PCDHA1: variants seen among roughly 807,000 people sequenced by gnomAD.
PCDHA1 encodes protocadherin alpha 1.
A neutral mutation model predicts 61.3 loss-of-function variants in PCDHA1; 42 were observed. The ratio of observed to expected loss-of-function variants is 0.69; its 90% CI spans 0.54 to 0.89. The LOEUF (loss-of-function observed/expected upper bound fraction) is 0.89. Ranked by LOEUF, PCDHA1 falls within the 40% of genes least tolerant of loss-of-function variation. PCDHA1 has a pLI of 0.00. For synonymous variants in PCDHA1, 610 were observed against 553.8 expected (o/e 1.10, Z -1.43); for missense variants, 1,256 against 1,235.3 (o/e 1.02, Z -0.25).
rs374659815 is a variant in PCDHA1 at position 140,871,353 on chromosome 5, G to A, written c.2394+82669G>A. 3.6e-5 allele frequency: 58 copies of A among 1,614,214 alleles called. No homozygotes were observed. The African/African-American group carries it at 5.1e-4, about 14-fold the overall frequency. ...GCGCGGTGGGGAGCTGGTCATACTC[G>A]CAGCAGAGGCGGCAGAGGGTGTGCT... On this transcript the variant is annotated intron_variant, in intron 1 of 3. Coordinates refer to ENST00000504120, the MANE Select transcript of PCDHA1 (RefSeq NM_018900.4).
chr5:140,851,353 G>A, intron 1 of PCDHA1: 1 of 976,274 alleles, frequency 1.0e-6, no homozygotes, highest in Non-Finnish European at 1.2e-6. Context: ...TCTGGATGGA[G>A]ACTGTGAACA....
At chr5:140,987,262 G>A (rs563934474) in intron 3 of PCDHA1, among the ~76,000 whole-genome samples, 1 of 151,978 alleles carries the variant, frequency 6.6e-6, no homozygotes, top group South Asian at 2.1e-4. Context: ...TCTCAGGAAT[G>A]GGACCCGGCA....
At chr5:140,876,459 C>T (rs2056359218) in intron 1 of PCDHA1, 1 of 1,613,878 alleles carries the variant, frequency 6.2e-7, no homozygotes, top group Non-Finnish European at 8.5e-7. Flanking sequence ...GGATTCCTTC[C>T]ATGGCAGGTC....
intron 1 of PCDHA1, among the ~76,000 whole-genome samples, chr5:140,792,836 G>C (rs1761732848): frequency 1.3e-5 from 2 of 152,202 alleles, no homozygotes; most frequent in Admixed American, 1.3e-4. Context: ...ACATAATGCT[G>C]TAACGAGCAG....
At chr5:140,945,372 T>C (rs1554216918) in intron 1 of PCDHA1, among the ~76,000 whole-genome samples, 1 of 152,088 alleles carries the variant, frequency 6.6e-6, no homozygotes, top group Non-Finnish European at 1.5e-5. Flanking sequence ...AATGTCCATA[T>C]TACCCAAAGC....
At chr5:140,803,331 G>T in intron 1 of PCDHA1, 2 of 1,614,188 alleles carry the variant, frequency 1.2e-6, no homozygotes, top group Non-Finnish European at 8.5e-7. Context: ...CAGTCTGTTG[G>T]TGCTCACACT....
At chr5:140,929,258 T>C (rs1288767035) in intron 1 of PCDHA1, 2 of 1,612,832 alleles carry the variant, frequency 1.2e-6, no homozygotes, top group Non-Finnish European at 1.7e-6. Flanking sequence ...GGGGTAGGAC[T>C]GAATTTGCCA....
rs572911058 is a variant in PCDHA1, at chr5:140,794,867, A to G, written c.2394+6183A>G. On this transcript the variant is annotated intron_variant, in intron 1 of 3. Coordinates refer to ENST00000504120, the MANE Select transcript of PCDHA1 (RefSeq NM_018900.4). ...CCCCTTTGTTACTTCAGAGAAGCGG[A>G]GGAATAAGAGAAGCAGCAGGACTTT... is the stretch of plus-strand genomic sequence containing the variant. The G allele has an allele frequency of 5.4e-5, 70 of 1,307,314 alleles. No individual in the cohort carries two copies. In the African/African-American group the frequency reaches 7.8e-4, roughly 15 times the overall value. 81.0% of individuals were successfully genotyped at this position (1,307,314 alleles called of 1,614,324 possible).
At position 140,788,516 on chromosome 5, in the gene PCDHA1, C is replaced by T. The variant is rs782810577; in HGVS notation, c.2226C>T (p.Ser742=). 3 of 1,614,092 alleles carry T rather than the reference C, an allele frequency of 1.9e-6. No individual in the cohort carries two copies. In the South Asian group the frequency reaches 3.3e-5, roughly 18 times the overall value. ...CGGGCAAGCCCACTCTGGTGTGCTCCAGCGCGTTGGGGAGCTGGTCGAACT... is the reference window on the plus strand; with the variant it reads ...CGGGCAAGCCCACTCTGGTGTGCTCTAGCGCGTTGGGGAGCTGGTCGAACT... The part of the protein sequence containing the change: ...YVPGKPTLVC[S]SALGSWSNSQ... The change falls in exon 1 of 4, where the codon TCC becomes TCT. Residue 742 remains serine, a synonymous_variant. Coordinates refer to ENST00000504120, the MANE Select transcript of PCDHA1 (RefSeq NM_018900.4).
intron 1 of PCDHA1, chr5:140,926,925 G>C (rs1554203816): frequency 6.4e-7 from 1 of 1,574,118 alleles, no homozygotes; most frequent in South Asian, 1.2e-5. Context: ...TTTTATGTTT[G>C]TGGGTTTCCT....
intron 1 of PCDHA1, among the ~76,000 whole-genome samples, chr5:140,800,435 G>A (rs1762553691): frequency 6.6e-6 from 1 of 152,084 alleles, no homozygotes; most frequent in Non-Finnish European, 1.5e-5. Flanking sequence ...AACAGTTGCT[G>A]TAATAACATA....
At chr5:140,982,608 T>C (rs782789536) in intron 3 of PCDHA1, 45 bp downstream of exon 3, 1 of 1,601,306 alleles carries the variant, frequency 6.2e-7, no homozygotes, top group Non-Finnish European at 8.5e-7. Flanking sequence ...TTCTGGAAAG[T>C]GATCAGATGA....
rs2084561103 is a variant in PCDHA1 at position 140,927,726 on chromosome 5, A to G, written c.2395-51223A>G. On this transcript the variant is annotated intron_variant, in intron 1 of 3. Transcript: ENST00000504120. ...ACTCCCTAAGCAACAGCACGCAAGCAGAGCTGCGACACCGCTTTCACGTGC... is the reference window on the plus strand; with the variant it reads ...ACTCCCTAAGCAACAGCACGCAAGCGGAGCTGCGACACCGCTTTCACGTGC... 6 of 1,614,220 alleles carry G rather than the reference A, an allele frequency of 3.7e-6. No individual in the cohort carries two copies. The African/African-American group carries it at 8.0e-5, about 22-fold the overall frequency.
chr5:140,967,477 C>T (rs782240426), intron 1 of PCDHA1: 1 of 1,613,396 alleles, frequency 6.2e-7, no homozygotes, highest in Non-Finnish European at 8.5e-7. Flanking sequence ...TCCCAGCCCG[C>T]TCGGGTACGG....
Position 141,010,460 on chromosome 5 carries a change from A to G in PCDHA1, c.*523A>G. ...AGACAAATAAACAGCGGAAGTTATC[A>G]GTATGGAGGGGAAGTGTAAACTTAA... On this transcript the variant is annotated 3_prime_UTR_variant, in exon 4 of 4. Coordinates refer to ENST00000504120, the MANE Select transcript of PCDHA1 (RefSeq NM_018900.4). The G allele has an allele frequency of 1.2e-6, 1 of 835,130 alleles. No individual in the cohort carries two copies. The highest frequency in any genetic ancestry group is 1.8e-6 in the Non-Finnish European group (1 of 562,732). The allele number at this position is 835,130 out of a possible 1,614,324, so 51.7% of individuals were successfully genotyped here.
At chr5:140,828,619 A>G in intron 1 of PCDHA1, 1 of 1,614,222 alleles carries the variant, frequency 6.2e-7, no homozygotes. Flanking sequence ...GTTCTAGCGA[A>G]TACTTCGGGC....
Position 140,787,655 on chromosome 5 carries a change from C to T in PCDHA1, c.1365C>T (p.Phe455=). 1.2e-6 allele frequency: 2 copies of T among 1,613,568 alleles called. No homozygotes were observed. Among genetic ancestry groups the T allele is most frequent in the Non-Finnish European group, 1.7e-6 (2 of 1,179,876 alleles). The part of the protein sequence containing the change: ...VADVNDNAPA[F]AQPEYTVFVK... ...ACGTGAATGACAACGCGCCTGCGTT[C>T]GCGCAGCCCGAGTACACAGTATTCG... The change falls in exon 1 of 4, where the codon TTC becomes TTT. Residue 455 remains phenylalanine (F), a synonymous_variant. Transcript: ENST00000504120.
Position 140,856,989 on chromosome 5 carries a change from C to T in PCDHA1, c.2394+68305C>T. 3.1e-6 allele frequency: 5 copies of T among 1,595,206 alleles called. 1 individual carries two copies. The highest frequency in any genetic ancestry group is 1.1e-5 in the South Asian group (1 of 90,500). ...GCTATTGACTTTGAGGACAGTAACA[C>T]TTATGAAATTCATGTAGATGTTACA... is the stretch of plus-strand genomic sequence containing the variant. On this transcript the variant is annotated intron_variant, in intron 1 of 3. Transcript: ENST00000504120.
intron 1 of PCDHA1, among the ~76,000 whole-genome samples, chr5:140,915,326 T>C (rs2077071352): frequency 6.6e-6 from 1 of 152,196 alleles, no homozygotes; most frequent in Non-Finnish European, 1.5e-5. Flanking sequence ...TACAGTGTTA[T>C]AATATTCTGT....
Sources: gnomAD v4.1 joint callset for allele counts (sites outside exome capture counted in the v4.1 genomes callset) on GRCh38, gnomAD v4.1.1 for gene constraint, MANE v1.5 for transcripts, NCBI Gene and HGNC (gene_info 2026-07-23, HGNC 2026-07-21) for gene names.